Variants in NRCAM observed in about 807,000 individuals in gnomAD.
NRCAM encodes NgCAM-related cell adhesion molecule.
A neutral mutation model predicts 156.5 loss-of-function variants in NRCAM; 83 were observed. The ratio of observed to expected loss-of-function variants is 0.53; its 90% CI spans 0.44 to 0.64. The LOEUF is 0.64. Ranked by LOEUF, NRCAM falls within the 30% of genes least tolerant of loss-of-function variation. NRCAM has a pLI of 0.00. For missense variants in NRCAM, 1,417 were observed against 1,597.3 expected, an observed-to-expected ratio of 0.89 and a Z score of 1.92; for synonymous variants, 538 against 563.9, an observed-to-expected ratio of 0.95 and a Z score of 0.65.
intron 2 of NRCAM, among the ~76,000 whole-genome samples, chr7:108,388,990 C>T (rs919014568): frequency 6.6e-6 from 1 of 152,112 alleles, no homozygotes; most frequent in Non-Finnish European, 1.5e-5. Flanking sequence ...AGTCAGGTAG[C>T]ATGATGCCTC....
At chr7:108,243,677 T>C (rs185633218) in intron 3 of NRCAM, among the ~76,000 whole-genome samples, 48 of 152,336 alleles carry the variant, frequency 3.2e-4, no homozygotes, top group Non-Finnish European at 5.1e-4. Flanking sequence ...TTGAATGAGA[T>C]AAATGGTAGA....
intron 1 of NRCAM, among the ~76,000 whole-genome samples, chr7:108,400,810 G>A (rs1161291836): frequency 6.6e-6 from 1 of 152,070 alleles, no homozygotes; most frequent in Non-Finnish European, 1.5e-5. Context: ...TTCTAGGGAG[G>A]AGAAAGCCAG....
chr7:108,349,406 C>CT (rs1353041120), intron 2 of NRCAM, among the ~76,000 whole-genome samples: 3 of 151,796 alleles, frequency 2.0e-5, no homozygotes, highest in Non-Finnish European at 4.4e-5. Context: ...GTAGCTGGGA[C>CT]TACAGGCGCC....
chr7:108,187,816 G>A (rs1246589581), intron 20 of NRCAM, among the ~76,000 whole-genome samples: 7 of 152,064 alleles, frequency 4.6e-5, no homozygotes, highest in Middle Eastern at 3.2e-3. Flanking sequence ...GTAGCCGGGT[G>A]TGGTGGCGGG....
chr7:108,431,122 CATA>C (rs1191889458), intron 1 of NRCAM, among the ~76,000 whole-genome samples: 1 of 152,188 alleles, frequency 6.6e-6, no homozygotes, highest in Non-Finnish European at 1.5e-5. Flanking sequence ...ATTTTCTCTC[CATA>C]ATAATCCTGA....
At chr7:108,198,120 A>C (rs754367507) in intron 13 of NRCAM, 21 bp from the exon 14 acceptor site, 1 of 1,579,046 alleles carries the variant, frequency 6.3e-7, no homozygotes, top group Non-Finnish European at 8.6e-7. Flanking sequence ...GTAAAAATAG[A>C]AAGTATTTAT....
chr7:108,320,436 G>GACAAAACAAA (rs201917496), intron 2 of NRCAM, among the ~76,000 whole-genome samples: 43 of 151,624 alleles, frequency 2.8e-4, no homozygotes, highest in Non-Finnish European at 2.7e-4. Flanking sequence ...AACAGAGCTA[G>GACAAAACAAA]ACAAAACAAA....
chr7:108,189,827 G>A, intron 19 of NRCAM, 81 bp from the exon 20 acceptor site: 1 of 661,768 alleles, frequency 1.5e-6, no homozygotes. Context: ...TATTCACAGA[G>A]GGGACATCTT....
At position 108,226,302 on chromosome 7, in the gene NRCAM, T is replaced by C. The variant is rs781543685; in HGVS notation, c.627A>G (p.Pro209=). ...NGDLYFSNVL[P]EDTREDYICY... is the part of the protein sequence containing the mutation. ...AGATATAGTCTTCGCGGGTGTCCTCTGGGAGGACATTGGAAAAATAAAGGT... is the reference window on the plus strand; with the variant it reads ...AGATATAGTCTTCGCGGGTGTCCTCCGGGAGGACATTGGAAAAATAAAGGT... Residue 209 remains proline, a synonymous_variant, in exon 9 of 33, where the codon CCA becomes CCG. Coordinates refer to ENST00000379028, the MANE Select transcript of NRCAM (RefSeq NM_001037132.4). 1.3e-6 allele frequency: 2 copies of C among 1,599,844 alleles called. No individual in the cohort carries two copies. The highest frequency in any genetic ancestry group is 2.2e-5 in the East Asian group (1 of 44,800).
At position 108,456,391 on chromosome 7, in the gene NRCAM, T is replaced by G. The variant is rs1438284520; in HGVS notation, c.-480A>C. On this transcript the variant is annotated 5_prime_UTR_variant, in exon 1 of 33. Coordinates refer to ENST00000379028, the MANE Select transcript of NRCAM (RefSeq NM_001037132.4). The stretch of plus-strand genomic sequence containing the variant: ...TCCCCCGCGCCCGCGCGTCTGAGGC[T>G]CGGACTGCGGCGCGCGTCCGCCAGC... The G allele has an allele frequency of 6.7e-6, 1 of 150,230 alleles. No individual in the cohort carries two copies. The highest frequency in any genetic ancestry group is 1.5e-5 in the Non-Finnish European group (1 of 67,566). The allele number at this position is 150,230 out of a possible 1,614,324, so 9.3% of individuals were successfully genotyped here. A position where few individuals can be genotyped will look rare whatever the true frequency, so the allele number is the denominator to read the frequency against.
Position 108,209,743 on chromosome 7 carries a change from C to G in NRCAM, c.891-138G>C, listed in dbSNP as rs892796906. ...AATACATAGATATTTTAATTAGCACCACACTTTTATAAATAATGCTCACAG... is the reference window on the plus strand; with the variant it reads ...AATACATAGATATTTTAATTAGCACGACACTTTTATAAATAATGCTCACAG... On this transcript the variant is annotated intron_variant, in intron 11 of 32. Coordinates refer to ENST00000379028, the MANE Select transcript of NRCAM (RefSeq NM_001037132.4). 9.4e-6 allele frequency: 6 copies of G among 640,842 alleles called. No homozygotes were observed. The African/African-American group carries it at 9.4e-5, about 10-fold the overall frequency. The allele number at this position is 640,842 out of a possible 1,614,324, so 39.7% of individuals were successfully genotyped here.
chr7:108,164,227 G>A (rs1339535150), intron 30 of NRCAM, among the ~76,000 whole-genome samples: 4 of 150,084 alleles, frequency 2.7e-5, no homozygotes, highest in African/African-American at 1.0e-4. Flanking sequence ...GGTCATACCA[G>A]GTGGGGTGGG....
At chr7:108,225,230 T>A (rs1241896786) in intron 10 of NRCAM, among the ~76,000 whole-genome samples, 2 of 152,238 alleles carry the variant, frequency 1.3e-5, no homozygotes, top group Non-Finnish European at 2.9e-5. Context: ...GATGATTTAC[T>A]ATGAAATCCC....
intron 3 of NRCAM, among the ~76,000 whole-genome samples, chr7:108,278,344 A>G (rs903058385): frequency 1.3e-5 from 2 of 152,174 alleles, no homozygotes; most frequent in African/African-American, 4.8e-5. Flanking sequence ...CCTGCCCTAG[A>G]GGTGGTATCT....
chr7:108,155,101 TACACACACACAC>T (rs58111040), intron 32 of NRCAM, among the ~76,000 whole-genome samples: 66 of 122,970 alleles, frequency 5.4e-4, no homozygotes, highest in South Asian at 7.9e-4. Context: ...TATATATATA[TACACACACACAC>T]ACACACACAC....
chr7:108,182,690 CTT>C lies in NRCAM; in HGVS notation c.2530+3_2530+4del. The C allele has an allele frequency of 6.2e-7, 1 of 1,613,440 alleles. No homozygotes were observed. Among genetic ancestry groups the C allele is most frequent in the Non-Finnish European group, 8.5e-7 (1 of 1,179,412 alleles). Reference sequence around the variant, plus strand: ...TGGGGAAAAGTAGGAAATGGCATCACTTACGGTCTTCTCCAGAATGTCCCATG... The same window carrying C: ...TGGGGAAAAGTAGGAAATGGCATCACACGGTCTTCTCCAGAATGTCCCATG... On this transcript the variant is annotated splice_donor_region_variant and intron_variant, in intron 23 of 32. Transcript: ENST00000379028.
rs1016238692 is a variant in NRCAM at position 108,188,391 on chromosome 7, G to A, written c.2035+1254C>T. 6.0e-3 allele frequency among the ~76,000 whole-genome samples: 908 copies of A among 152,038 alleles called. 8 individuals carry two copies. Among genetic ancestry groups the A allele is most frequent in the African/African-American group, 0.021 (857 of 41,480 alleles). On this transcript the variant is annotated intron_variant, in intron 20 of 32. Transcript: ENST00000379028. ...AGATCTGAGTCCTCTGTGTGTGTGT[G>A]TGTGTGTGTATATATACATATGTTT...
intron 2 of NRCAM, among the ~76,000 whole-genome samples, chr7:108,357,110 T>G (rs961505622): frequency 6.6e-6 from 1 of 152,168 alleles, no homozygotes; most frequent in South Asian, 2.1e-4. Context: ...TCTATGATAT[T>G]CTATTATAGT....
At chr7:108,429,489 G>A (rs1445329914) in intron 1 of NRCAM, among the ~76,000 whole-genome samples, 1 of 152,196 alleles carries the variant, frequency 6.6e-6, no homozygotes, top group Admixed American at 6.5e-5. Flanking sequence ...ATTGCGCCCA[G>A]CCCGGATGTT....
Sources: allele counts gnomAD v4.1 joint callset (sites outside exome capture counted in the v4.1 genomes callset), GRCh38; gene constraint gnomAD v4.1.1; transcripts MANE v1.5; gene names NCBI Gene and HGNC (gene_info 2026-07-23, HGNC 2026-07-21).